Variants in PALLD observed in about 807,000 individuals in gnomAD.
PALLD encodes palladin.
Under a neutral mutation model 123.5 loss-of-function variants are expected in PALLD, and 61 were observed. The observed-to-expected ratio is 0.49, with a 90% confidence interval of 0.40 to 0.61. The LOEUF (loss-of-function observed/expected upper bound fraction) is 0.61, where lower values mean the gene tolerates loss of function less well. PALLD is among the 20% of genes least tolerant of loss of function. The pLI is 0.00. For missense variants in PALLD, 1,273 were observed against 1,377.0 expected, an observed-to-expected ratio of 0.92 and a Z score of 1.20; for synonymous variants, 465 against 496.4, an observed-to-expected ratio of 0.94 and a Z score of 0.84.
intron 10 of PALLD, among the ~76,000 whole-genome samples, chr4:168,856,162 A>G (rs113393310): frequency 0.012 from 1,791 of 152,322 alleles, 46 homozygotes; most frequent in African/African-American, 0.041. Context: ...ATGTTGCTAC[A>G]AAGGACATGA....
rs1277444295 is a variant in PALLD at position 168,600,046 on chromosome 4, TAC to T, written c.909-68138_909-68137del. 1.4e-4 allele frequency among the ~76,000 whole-genome samples: 20 copies of T among 144,868 alleles called. No individual in the cohort carries two copies. The South Asian group carries it at 3.5e-3, about 25-fold the overall frequency. ...GTACACACACATACATACATGTGTA[TAC>T]ACACATATATACATACATGTGTATA... On this transcript the variant is annotated intron_variant, in intron 2 of 21. Transcript: ENST00000505667.
chr4:168,687,171 A>AT (rs530349772), intron 6 of PALLD, among the ~76,000 whole-genome samples: 270 of 152,104 alleles, frequency 1.8e-3, no homozygotes, highest in Middle Eastern at 6.8e-3. Context: ...AGAAGGAGTG[A>AT]TTTTTTTTCC....
At chr4:168,588,903 GA>G (rs1771119891) in intron 2 of PALLD, among the ~76,000 whole-genome samples, 1 of 152,134 alleles carries the variant, frequency 6.6e-6, no homozygotes, top group Non-Finnish European at 1.5e-5. Context: ...TCTCCTCTAT[GA>G]AATACTCAAT....
intron 10 of PALLD, among the ~76,000 whole-genome samples, chr4:168,875,108 T>C (rs906646002): frequency 6.6e-6 from 1 of 151,856 alleles, no homozygotes; most frequent in Non-Finnish European, 1.5e-5. Context: ...TGGAAATACA[T>C]AGTATTTCCA....
At chr4:168,765,945 C>A (rs971322478) in intron 10 of PALLD, among the ~76,000 whole-genome samples, 1 of 152,200 alleles carries the variant, frequency 6.6e-6, no homozygotes, top group African/African-American at 2.4e-5. Context: ...AATGAAAATG[C>A]TTTGAATGTT....
chr4:168,533,710 G>T (rs1764824237), intron 2 of PALLD, among the ~76,000 whole-genome samples: 1 of 152,142 alleles, frequency 6.6e-6, no homozygotes, highest in Non-Finnish European at 1.5e-5. Flanking sequence ...GCCATGGGGT[G>T]AGCAGACAAG....
At chr4:168,925,766 T>A (rs1450971489) in intron 21 of PALLD, among the ~76,000 whole-genome samples, 1 of 152,152 alleles carries the variant, frequency 6.6e-6, no homozygotes, top group Non-Finnish European at 1.5e-5. Context: ...TATGTGAGGG[T>A]CATCAAGAAA....
chr4:168,558,311 A>T (rs1767529516), intron 2 of PALLD, among the ~76,000 whole-genome samples: 2 of 152,156 alleles, frequency 1.3e-5, no homozygotes, highest in Admixed American at 1.3e-4. Flanking sequence ...TTTCCTGTGA[A>T]ACTTTCCAGG....
chr4:168,696,327 T>G (rs561420942), intron 8 of PALLD, among the ~76,000 whole-genome samples: 1 of 152,238 alleles, frequency 6.6e-6, no homozygotes, highest in Admixed American at 6.5e-5. Context: ...GAAGGACTCT[T>G]CTCTGGGCAA....
At chr4:168,556,016 A>G (rs747531490) in intron 2 of PALLD, among the ~76,000 whole-genome samples, 1 of 152,206 alleles carries the variant, frequency 6.6e-6, no homozygotes, top group Non-Finnish European at 1.5e-5. Flanking sequence ...ATCATGGATT[A>G]GAGAGAGAAA....
chr4:168,831,780 T>C (rs1432025480), intron 10 of PALLD, among the ~76,000 whole-genome samples: 2 of 152,206 alleles, frequency 1.3e-5, no homozygotes, highest in African/African-American at 4.8e-5. Flanking sequence ...AACATATCTA[T>C]GGGCCTAAAA....
intron 10 of PALLD, among the ~76,000 whole-genome samples, chr4:168,750,203 T>C (rs144888456): frequency 0.06 from 9,174 of 152,156 alleles, 907 homozygotes; most frequent in African/African-American, 0.2. Context: ...CACCTCACCC[T>C]CCCAAAGTGC....
At chr4:168,739,129 T>C (rs898793864) in intron 10 of PALLD, among the ~76,000 whole-genome samples, 3 of 152,246 alleles carry the variant, frequency 2.0e-5, no homozygotes, top group Non-Finnish European at 4.4e-5. Context: ...TGCCAAATTG[T>C]ATTCCATTGT....
At chr4:168,750,933 A>G (rs1034839620) in intron 10 of PALLD, among the ~76,000 whole-genome samples, 1 of 152,070 alleles carries the variant, frequency 6.6e-6, no homozygotes, top group Non-Finnish European at 1.5e-5. Context: ...ACTGAAGGTA[A>G]CAGAAACTCA....
chr4:168,646,121 A>G (rs1777423910), intron 2 of PALLD, among the ~76,000 whole-genome samples: 1 of 152,202 alleles, frequency 6.6e-6, no homozygotes, highest in South Asian at 2.1e-4. Context: ...AGCATGCAGC[A>G]TCACCTCCAG....
At chr4:168,707,740 T>A (rs1441837766) in intron 8 of PALLD, among the ~76,000 whole-genome samples, 1 of 152,316 alleles carries the variant, frequency 6.6e-6, no homozygotes, top group Middle Eastern at 3.4e-3. Context: ...ATTGCAGCCA[T>A]TATTACTAAG....
chr4:168,720,870 A>G (rs893787690), intron 10 of PALLD, among the ~76,000 whole-genome samples: 1 of 152,228 alleles, frequency 6.6e-6, no homozygotes, highest in Non-Finnish European at 1.5e-5. Context: ...TAACTAAGTA[A>G]TAACATTTAG....
At chr4:168,621,800 G>A (rs1774789312) in intron 2 of PALLD, among the ~76,000 whole-genome samples, 1 of 152,156 alleles carries the variant, frequency 6.6e-6, no homozygotes, top group Non-Finnish European at 1.5e-5. Flanking sequence ...GTGAATTCCA[G>A]TGGCCTATGA....
intron 6 of PALLD, 53 bp downstream of exon 6, chr4:168,685,612 A>G: frequency 8.6e-7 from 1 of 1,169,222 alleles, no homozygotes; most frequent in African/African-American, 1.5e-5. Flanking sequence ...CTTAAATTTC[A>G]TTTACATGTG....
Sources: gnomAD v4.1 joint callset for allele counts (sites outside exome capture counted in the v4.1 genomes callset) on GRCh38, gnomAD v4.1.1 for gene constraint, MANE v1.5 for transcripts, NCBI Gene and HGNC (gene_info 2026-07-23, HGNC 2026-07-21) for gene names.